ENOX1: variants seen among roughly 807,000 people sequenced by gnomAD.
ENOX1 encodes the protein ecto-NOX disulfide-thiol exchanger 1.
In ENOX1, 42 loss-of-function variants were observed where a neutral mutation model predicts 82.5. The observed-to-expected ratio is 0.51, with a 90% confidence interval of 0.40 to 0.66. The LOEUF is 0.66. Ranked by LOEUF, ENOX1 falls within the 30% of genes least tolerant of loss-of-function variation. The pLI is 0.00. For synonymous variants in ENOX1, 271 were observed against 282.2 expected (o/e 0.96, Z 0.40); for missense variants, 608 against 811.6 (o/e 0.75, Z 3.05).
chr13:43,524,947 C>T (rs2077925464), intron 2 of ENOX1, among the ~76,000 whole-genome samples: 1 of 152,020 alleles, frequency 6.6e-6, no homozygotes, highest in African/African-American at 2.4e-5. Flanking sequence ...CCAGTGTCAC[C>T]GATGTCTAGA....
chr13:43,689,613 T>C (rs957297785), intron 1 of ENOX1, among the ~76,000 whole-genome samples: 1 of 152,246 alleles, frequency 6.6e-6, no homozygotes, highest in African/African-American at 2.4e-5. Context: ...GCTTTAGGGC[T>C]ATGTGTCATA....
intron 2 of ENOX1, among the ~76,000 whole-genome samples, chr13:43,633,608 T>G (rs534417127): frequency 6.6e-6 from 1 of 152,130 alleles, no homozygotes; most frequent in South Asian, 2.1e-4. Context: ...GAAAATCTTT[T>G]AAGATATATT....
rs182180048 is a variant in ENOX1 at position 43,604,361 on chromosome 13, A to C, written c.-219+63118T>G. ...CCTGTTCACTCTGATGGTAGTATTGAAACAAATAATAAAAGAAAAACAATA... is the reference window on the plus strand; with the variant it reads ...CCTGTTCACTCTGATGGTAGTATTGCAACAAATAATAAAAGAAAAACAATA... On this transcript the variant is annotated intron_variant, in intron 2 of 16. Coordinates refer to ENST00000690772, the MANE Select transcript of ENOX1 (RefSeq NM_001347969.2). Among the ~76,000 whole-genome samples the C allele has an allele frequency of 5.1e-4, 77 of 152,292 alleles. 1 individual carries two copies. The highest frequency in any genetic ancestry group is 1.7e-3 in the African/African-American group (69 of 41,570).
chr13:43,576,195 C>A (rs926106242), intron 2 of ENOX1, among the ~76,000 whole-genome samples: 2 of 152,166 alleles, frequency 1.3e-5, no homozygotes, highest in African/African-American at 4.8e-5. Flanking sequence ...ATCCTTAACA[C>A]AGACTGTTGT....
chr13:43,564,472 G>A (rs535550899), intron 2 of ENOX1, among the ~76,000 whole-genome samples: 20 of 151,736 alleles, frequency 1.3e-4, no homozygotes, highest in Middle Eastern at 3.4e-3. Flanking sequence ...AGGAATAGAC[G>A]GAATTTGAGG....
chr13:43,259,074 C>T (rs969447265), intron 14 of ENOX1, among the ~76,000 whole-genome samples: 1 of 152,174 alleles, frequency 6.6e-6, no homozygotes, highest in African/African-American at 2.4e-5. Context: ...ACAGTAATGT[C>T]TAACACATGC....
At position 43,691,304 on chromosome 13, in the gene ENOX1, C is replaced by T. The variant is rs117918594; in HGVS notation, c.-284-23760G>A. Among the ~76,000 whole-genome samples the T allele has an allele frequency of 5.2e-3, 796 of 152,098 alleles. 3 individuals carry two copies. Among genetic ancestry groups the T allele is most frequent in the South Asian group, 0.028 (137 of 4,810 alleles). On this transcript the variant is annotated intron_variant, in intron 1 of 16. Coordinates refer to ENST00000690772, the MANE Select transcript of ENOX1 (RefSeq NM_001347969.2). ...ACCACCCCTATCTTAGTCCGGGTGC[C>T]CATCACTCCTTACTTAGACTAGTAC...
intron 2 of ENOX1, among the ~76,000 whole-genome samples, chr13:43,509,459 C>T (rs1354749520): frequency 6.6e-6 from 1 of 152,078 alleles, no homozygotes; most frequent in African/African-American, 2.4e-5. Context: ...ATTTCTAGGA[C>T]ATAATACCTC....
intron 11 of ENOX1, among the ~76,000 whole-genome samples, chr13:43,308,761 G>C (rs148018484): frequency 2.6e-5 from 4 of 152,348 alleles, no homozygotes; most frequent in South Asian, 2.1e-4. Flanking sequence ...CTCATGTGCA[G>C]ACGGGGCTGT....
intron 2 of ENOX1, among the ~76,000 whole-genome samples, chr13:43,631,585 A>G (rs2083219638): frequency 6.6e-6 from 1 of 152,076 alleles, no homozygotes; most frequent in Admixed American, 6.6e-5. Context: ...TTTTTTTTGC[A>G]AGAACCCCTG....
chr13:43,639,075 G>A lies in ENOX1; in HGVS notation c.-219+28404C>T, dbSNP rs144839514. Among the ~76,000 whole-genome samples the A allele has an allele frequency of 1.0e-2, 1,517 of 151,846 alleles. 15 individuals carry two copies. Among genetic ancestry groups the A allele is most frequent in the Middle Eastern group, 0.031 (9 of 294 alleles). On this transcript the variant is annotated intron_variant, in intron 2 of 16. Transcript: ENST00000690772. ...TCTCAGCACTTTGGGAAGCCAAGGC[G>A]GGCAGATCACCTGAGGTCAGGAGTT...
chr13:43,416,629 C>T (rs144190692), intron 3 of ENOX1, among the ~76,000 whole-genome samples: 5,344 of 147,574 alleles, frequency 0.036, 131 homozygotes, highest in South Asian at 0.088. Context: ...CAGGCAGAGA[C>T]GCTCCTCACA....
At chr13:43,262,687 G>A (rs1235025400) in intron 14 of ENOX1, among the ~76,000 whole-genome samples, 1 of 152,050 alleles carries the variant, frequency 6.6e-6, no homozygotes, top group Non-Finnish European at 1.5e-5. Context: ...ATGTTGCCCA[G>A]TCTGGTCTTG....
rs2057988457 is a variant in ENOX1 at position 43,470,356 on chromosome 13, A to ATATATATGTG, written c.-75+13652_-75+13653insCACATATATA. ...TATATATATACGTATATATATATGT[A>ATATATATGTG]TATATATACGTATATATATACATAT... On this transcript the variant is annotated intron_variant, in intron 3 of 16. Coordinates refer to ENST00000690772, the MANE Select transcript of ENOX1 (RefSeq NM_001347969.2). Among the ~76,000 whole-genome samples the ATATATATGTG allele has an allele frequency of 5.9e-5, 3 of 51,240 alleles. No individual in the cohort carries two copies. In the South Asian group the frequency reaches 3.1e-3, roughly 53 times the overall value. The allele number at this position is 51,240 out of a possible 152,430, so 33.6% of individuals were successfully genotyped here.
At chr13:43,215,336 T>C (rs2041416076) in intron 16 of ENOX1, among the ~76,000 whole-genome samples, 1 of 152,204 alleles carries the variant, frequency 6.6e-6, no homozygotes, top group Admixed American at 6.5e-5. Flanking sequence ...TATTCTAAAA[T>C]TTTTGGGAAT....
intron 1 of ENOX1, among the ~76,000 whole-genome samples, chr13:43,736,109 T>C (rs2089618086): frequency 6.6e-6 from 1 of 152,238 alleles, no homozygotes; most frequent in African/African-American, 2.4e-5. Context: ...ATGTACCTTA[T>C]TGATTCAATC....
intron 11 of ENOX1, among the ~76,000 whole-genome samples, chr13:43,310,617 T>G (rs1262931220): frequency 1.3e-5 from 2 of 152,158 alleles, no homozygotes. Flanking sequence ...CTTAGGAGCC[T>G]AAGTGTTACG....
chr13:43,774,880 G>A (rs542485028), intron 1 of ENOX1, among the ~76,000 whole-genome samples: 2 of 151,802 alleles, frequency 1.3e-5, no homozygotes, highest in South Asian at 2.1e-4. Flanking sequence ...ATGGAGTTTC[G>A]CTCTTGGCAC....
At chr13:43,380,531 A>C (rs1300800503) in intron 5 of ENOX1, among the ~76,000 whole-genome samples, 1 of 151,740 alleles carries the variant, frequency 6.6e-6, no homozygotes, top group Non-Finnish European at 1.5e-5. Flanking sequence ...AAAATCAATT[A>C]TTAAGATTGA....
Sources: gnomAD v4.1 joint callset for allele counts (sites outside exome capture counted in the v4.1 genomes callset) on GRCh38, gnomAD v4.1.1 for gene constraint, MANE v1.5 for transcripts, NCBI Gene and HGNC (gene_info 2026-07-23, HGNC 2026-07-21) for gene names.